DACH1: variants seen among roughly 807,000 people sequenced by gnomAD.
The protein encoded by DACH1 is dachshund homolog 1.
Under a neutral mutation model 54.2 loss-of-function variants are expected in DACH1, and 12 were observed. The observed-to-expected ratio is 0.22, with a 90% CI of 0.14 to 0.36. The LOEUF (loss-of-function observed/expected upper bound fraction) is 0.36, where lower values mean the gene tolerates loss of function less well. Ranked by LOEUF, DACH1 falls within the 10% of genes least tolerant of loss-of-function variation. The probability of loss-of-function intolerance (pLI) is 1.00; values close to 1 mark genes in which losing one functional copy is unlikely to be tolerated. For synonymous variants in DACH1, 386 were observed against 366.2 expected (o/e 1.05, Z -0.62); for missense variants, 805 against 929.8 (o/e 0.87, Z 1.75).
At chr13:71,442,531 C>T (rs1205557531) in intron 10 of DACH1, among the ~76,000 whole-genome samples, 4 of 152,074 alleles carry the variant, frequency 2.6e-5, no homozygotes, top group Non-Finnish European at 5.9e-5. Context: ...GAAATACTAC[C>T]TCCAAGATGT....
chr13:71,610,215 T>C (rs1449207489), intron 3 of DACH1, among the ~76,000 whole-genome samples: 2 of 152,156 alleles, frequency 1.3e-5, no homozygotes, highest in Non-Finnish European at 2.9e-5. Flanking sequence ...AACTAGAATA[T>C]AATATCTATC....
intron 1 of DACH1, among the ~76,000 whole-genome samples, chr13:71,728,436 C>T (rs951051562): frequency 6.6e-6 from 1 of 151,908 alleles, no homozygotes; most frequent in Non-Finnish European, 1.5e-5. Flanking sequence ...GAGTAAATGA[C>T]TCTAAGGACT....
At chr13:71,811,502 T>G (rs768641925) in intron 1 of DACH1, among the ~76,000 whole-genome samples, 2 of 152,300 alleles carry the variant, frequency 1.3e-5, no homozygotes, top group East Asian at 1.9e-4. Context: ...CTGCATCACC[T>G]CTACAAACCA....
intron 6 of DACH1, among the ~76,000 whole-genome samples, chr13:71,543,400 A>C (rs576850473): frequency 6.6e-6 from 1 of 152,076 alleles, no homozygotes; most frequent in Non-Finnish European, 1.5e-5. Context: ...TAGATGATTA[A>C]AACAAATAAT....
At chr13:71,575,663 A>T (rs2138421281) in intron 3 of DACH1, among the ~76,000 whole-genome samples, 1 of 152,188 alleles carries the variant, frequency 6.6e-6, no homozygotes, top group African/African-American at 2.4e-5. Context: ...TTTGCGTCAC[A>T]GATATCAGTC....
intron 1 of DACH1, among the ~76,000 whole-genome samples, chr13:71,864,959 AAGAC>A (rs1174957379): frequency 2.0e-5 from 3 of 152,174 alleles, no homozygotes; most frequent in Non-Finnish European, 2.9e-5. Flanking sequence ...AAGAGAGAGA[AAGAC>A]AGAAAGAAAA....
chr13:71,808,447 A>G (rs1226379983), intron 1 of DACH1, among the ~76,000 whole-genome samples: 4 of 152,166 alleles, frequency 2.6e-5, no homozygotes, highest in African/African-American at 9.7e-5. Flanking sequence ...CAAATTTTCT[A>G]GTAGTTTGCA....
intron 10 of DACH1, among the ~76,000 whole-genome samples, chr13:71,446,796 C>G (rs1874507829): frequency 6.6e-6 from 1 of 152,192 alleles, no homozygotes; most frequent in Admixed American, 6.5e-5. Flanking sequence ...GTCAGCAAAG[C>G]CTCAATTGGT....
chr13:71,578,686 G>A (rs1885685296), intron 3 of DACH1, among the ~76,000 whole-genome samples: 1 of 152,110 alleles, frequency 6.6e-6, no homozygotes. Context: ...GAGAAAAGAA[G>A]AAATCTTCTA....
At chr13:71,776,661 T>C (rs1566493195) in intron 1 of DACH1, among the ~76,000 whole-genome samples, 1 of 152,186 alleles carries the variant, frequency 6.6e-6, no homozygotes, top group East Asian at 1.9e-4. Flanking sequence ...AATAATCTTA[T>C]ACAGCTGCTT....
At chr13:71,744,428 C>G (rs561258301) in intron 1 of DACH1, among the ~76,000 whole-genome samples, 11 of 152,246 alleles carry the variant, frequency 7.2e-5, no homozygotes, top group Non-Finnish European at 1.3e-4. Flanking sequence ...TGAGGAAGCA[C>G]TAAAGGTATG....
intron 1 of DACH1, among the ~76,000 whole-genome samples, chr13:71,859,360 G>T (rs1026844002): frequency 1.6e-4 from 25 of 151,678 alleles, no homozygotes; most frequent in African/African-American, 5.6e-4. Flanking sequence ...AAATGCATTT[G>T]GTTCAAGGTC....
intron 8 of DACH1, among the ~76,000 whole-genome samples, chr13:71,477,167 C>T (rs1185099551): frequency 8.4e-6 from 1 of 118,874 alleles, no homozygotes; most frequent in East Asian, 2.8e-4. Flanking sequence ...CCAGCCCAGG[C>T]TGGAGTGCAG....
chr13:71,762,846 A>C lies in DACH1; in HGVS notation c.849-80936T>G, dbSNP rs144955938. 1.1e-4 allele frequency among the ~76,000 whole-genome samples: 16 copies of C among 151,512 alleles called. No homozygotes were observed. The East Asian group carries it at 3.1e-3, about 29-fold the overall frequency. On this transcript the variant is annotated intron_variant, in intron 1 of 10. Transcript: ENST00000613252. Reference sequence around the variant, plus strand: ...ACCTTCAAAATTTACCTTCAAATTTAAAATTTGGTACTATTAATATTGGAC... The same window carrying C: ...ACCTTCAAAATTTACCTTCAAATTTCAAATTTGGTACTATTAATATTGGAC...
intron 2 of DACH1, among the ~76,000 whole-genome samples, chr13:71,651,684 A>ATCTG (rs1223461225): frequency 9.0e-5 from 3 of 33,444 alleles, no homozygotes; most frequent in East Asian, 1.1e-3. Context: ...CTGTATCTGT[A>ATCTG]TATGTATATG....
At chr13:71,612,752 T>C (rs7993693) in intron 3 of DACH1, among the ~76,000 whole-genome samples, 35 of 152,288 alleles carry the variant, frequency 2.3e-4, no homozygotes, top group African/African-American at 7.0e-4. Context: ...ATAGTAAAAC[T>C]CTGGAATGCT....
chr13:71,496,233 G>T (rs541362453), intron 6 of DACH1, among the ~76,000 whole-genome samples: 5 of 122,830 alleles, frequency 4.1e-5, no homozygotes, highest in African/African-American at 6.4e-5. Context: ...GCAAGACTTT[G>T]TCTCCCAAAA....
chr13:71,588,002 C>G (rs1229615025), intron 3 of DACH1, among the ~76,000 whole-genome samples: 63 of 152,060 alleles, frequency 4.1e-4, no homozygotes, highest in Non-Finnish European at 5.9e-5. Flanking sequence ...TGTGAAAAGC[C>G]TGAATGTGGA....
intron 2 of DACH1, among the ~76,000 whole-genome samples, chr13:71,634,643 C>T (rs1370533929): frequency 6.6e-6 from 1 of 152,122 alleles, no homozygotes; most frequent in African/African-American, 2.4e-5. Flanking sequence ...CTCTCAACAT[C>T]TCAAGAATTA....
Sources: allele counts gnomAD v4.1 joint callset (sites outside exome capture counted in the v4.1 genomes callset), GRCh38; gene constraint gnomAD v4.1.1; transcripts MANE v1.5; gene names NCBI Gene and HGNC (gene_info 2026-07-23, HGNC 2026-07-21).